Variants in TEAD2 observed in about 807,000 individuals in gnomAD.
TEAD2 encodes the protein transcriptional enhancer factor TEF-4.
A neutral mutation model predicts 61.4 loss-of-function variants in TEAD2; 51 were observed. That is an observed-to-expected ratio of 0.83 (90% CI 0.66 to 1.05). The LOEUF is 1.05. TEAD2 is among the 50% of genes least tolerant of loss of function. The pLI is 0.00. For missense variants in TEAD2, 509 were observed against 600.0 expected (o/e 0.85, Z 1.58); for synonymous variants, 244 against 243.2 (o/e 1.00, Z -0.03).
At position 49,359,477 on chromosome 19, in the gene TEAD2, G is replaced by A. The variant is rs1195350942; in HGVS notation, c.255C>T (p.Arg85=). Residue 85 remains arginine, a synonymous_variant, in exon 3 of 13, where the codon CGC becomes CGT. Coordinates refer to ENST00000593945, the MANE Select transcript of TEAD2 (RefSeq NM_001256660.2). The surrounding 1 kb of genome is among the most constrained non-coding windows in gnomAD (Gnocchi z 4.1). ...TCTTCCCCGTTCTCAGCTTGATGTA[G>A]CGGGCGATCAGTTCATTCCGACCTG... The part of the protein sequence containing the change: ...KMYGRNELIA[R]YIKLRTGKTR... 1.2e-6 allele frequency: 2 copies of A among 1,613,954 alleles called. No individual in the cohort carries two copies.
chr19:49,356,908 G>T (rs1972438673), intron 4 of TEAD2, among the ~76,000 whole-genome samples: 1 of 151,886 alleles, frequency 6.6e-6, no homozygotes, highest in Non-Finnish European at 1.5e-5. Context: ...GACCACAGAG[G>T]TCCCTCACCT....
rs1398554258 is a variant in TEAD2, at chr19:49,347,219, G to C, written c.892C>G (p.Pro298Ala). The C allele has an allele frequency of 1.2e-6, 2 of 1,614,064 alleles. No individual in the cohort carries two copies. The highest frequency in any genetic ancestry group is 1.3e-5 in the African/African-American group (1 of 75,022). ...GLRELYDRGP[P>A]HAFFLVKFWA... ...AACTTGACCAGGAAGAAGGCATGGG[G>C]GGGGCCACGATCATATAGCTCTCGG... Residue 298 changes from proline (P) to alanine (A), a missense_variant, in exon 10 of 13, where the codon CCC becomes GCC. Physicochemically the swap from Pro to Ala is conservative, Grantham distance 27. Coordinates refer to ENST00000593945, the MANE Select transcript of TEAD2 (RefSeq NM_001256660.2).
At position 49,355,340 on chromosome 19, in the gene TEAD2, T is replaced by C. The variant is rs1475356406; in HGVS notation, c.452A>G (p.Gln151Arg). The change falls in exon 6 of 13, where the codon CAG (glutamine) becomes CGG (arginine). Residue 151 changes from glutamine to arginine, a missense_variant. Gln to Arg is a conservative substitution (Grantham distance 43). Transcript: ENST00000593945. ...AGGACCAGTGGGACCCAGTTTGGCC[T>C]GCAGAGAAGGCGCGGAGATGAGCTG... is the stretch of plus-strand genomic sequence containing the variant. ...SAQLISAPSL[Q>R]AKLGPTGPQA... 1 of 1,614,062 alleles carries C rather than the reference T, an allele frequency of 6.2e-7. No individual in the cohort carries two copies. The highest frequency in any genetic ancestry group is 2.2e-5 in the East Asian group (1 of 44,886).
Position 49,340,826 on chromosome 19 carries a change from C to T in TEAD2, c.*498G>A, listed in dbSNP as rs1348723353. The T allele has an allele frequency of 3.4e-5, 7 of 208,088 alleles. No individual in the cohort carries two copies. Among genetic ancestry groups the T allele is most frequent in the Non-Finnish European group, 6.8e-5 (7 of 102,770 alleles). The allele number at this position is 208,088 out of a possible 1,614,324, so 12.9% of individuals were successfully genotyped here. A position where few individuals can be genotyped will look rare whatever the true frequency, so the allele number is the denominator to read the frequency against. On this transcript the variant is annotated 3_prime_UTR_variant, in exon 13 of 13. Transcript: ENST00000593945. Reference sequence around the variant, plus strand: ...GGGCCCACCTGGCTCTGCTCCTGCACAGAAAGGGTTCATCTTCACTTTGTG... The same window carrying T: ...GGGCCCACCTGGCTCTGCTCCTGCATAGAAAGGGTTCATCTTCACTTTGTG...
chr19:49,342,333 G>T, intron 12 of TEAD2, 105 bp downstream of exon 12: 1 of 1,445,422 alleles, frequency 6.9e-7, no homozygotes, highest in East Asian at 2.3e-5. Context: ...TGGAGTCCCT[G>T]CTGTGTCAGT....
At chr19:49,361,414 G>C (rs972872894) in intron 1 of TEAD2, 1 of 153,494 alleles carries the variant, frequency 6.5e-6, no homozygotes, top group African/African-American at 2.4e-5. Flanking sequence ...GGCAGGGACA[G>C]AGACTCAGGG....
chr19:49,350,979 G>C (rs1971982388), intron 8 of TEAD2, among the ~76,000 whole-genome samples: 2 of 152,024 alleles, frequency 1.3e-5, no homozygotes, highest in South Asian at 4.1e-4. Flanking sequence ...AAAAGATCGA[G>C]ACCATCCTGG....
At chr19:49,353,784 CTT>C (rs5828391) in intron 7 of TEAD2, among the ~76,000 whole-genome samples, 23 of 142,108 alleles carry the variant, frequency 1.6e-4, no homozygotes, top group Admixed American at 2.1e-4. Context: ...TCACTGCACT[CTT>C]TTTTTTTTTT....
In TEAD2 at chr19:49,359,348, T is replaced by G; in HGVS notation, c.297+87A>C. On this transcript the variant is annotated intron_variant, in intron 3 of 12. Coordinates refer to ENST00000593945, the MANE Select transcript of TEAD2 (RefSeq NM_001256660.2). The surrounding 1 kb of genome is among the most constrained non-coding windows in gnomAD (Gnocchi z 4.1). ...AGATGAACGCACAGGAAGCAGCTTC[T>G]TCCTTGAACCTGAACCTGCCCATGC... The G allele has an allele frequency of 8.0e-7, 1 of 1,248,076 alleles. No homozygotes were observed. Among genetic ancestry groups the G allele is most frequent in the Non-Finnish European group, 1.2e-6 (1 of 854,858 alleles). 77.3% of individuals were successfully genotyped at this position (1,248,076 alleles called of 1,614,324 possible). A position where few individuals can be genotyped will look rare whatever the true frequency, so the allele number is the denominator to read the frequency against.
At chr19:49,351,476 T>TG in intron 7 of TEAD2, 111 bp from the exon 8 acceptor site, 1 of 1,006,548 alleles carries the variant, frequency 9.9e-7, no homozygotes, top group Non-Finnish European at 1.5e-6. Context: ...TTGTGCACAA[T>TG]CTCACTGAAG....
chr19:49,344,888 T>G (rs1971534034), intron 10 of TEAD2, among the ~76,000 whole-genome samples: 1 of 152,166 alleles, frequency 6.6e-6, no homozygotes, highest in African/African-American at 2.4e-5. Context: ...AAGTGGGGCC[T>G]AAGGAAGCCT....
chr19:49,351,264 G>T, intron 8 of TEAD2, 37 bp downstream of exon 8: 1 of 1,590,036 alleles, frequency 6.3e-7, no homozygotes, highest in Non-Finnish European at 8.6e-7. Flanking sequence ...CGAAGAGAGA[G>T]AGGGGAGACA....
chr19:49,360,439 G>T, intron 1 of TEAD2: 1 of 310,600 alleles, frequency 3.2e-6, no homozygotes, highest in South Asian at 7.6e-5. Flanking sequence ...GGAGGAGAAG[G>T]AGCTGGATTT....
intron 11 of TEAD2, among the ~76,000 whole-genome samples, 175 bp downstream of exon 11, chr19:49,343,056 G>A (rs1433987657): frequency 6.6e-6 from 1 of 152,000 alleles, no homozygotes; most frequent in African/African-American, 2.4e-5. Flanking sequence ...CCCGCAGAAT[G>A]ATCCCTGCCT....
rs1972687158 is a variant in TEAD2, at chr19:49,359,717, G to A, written c.232+127C>T. 3.6e-6 allele frequency: 4 copies of A among 1,104,068 alleles called. No homozygotes were observed. Among genetic ancestry groups the A allele is most frequent in the African/African-American group, 3.1e-5 (2 of 64,940 alleles). 68.4% of individuals were successfully genotyped at this position (1,104,068 alleles called of 1,614,324 possible). A position where few individuals can be genotyped will look rare whatever the true frequency, so the allele number is the denominator to read the frequency against. The stretch of plus-strand genomic sequence containing the variant: ...GACCATAAGCAAATCACTTAACCTA[G>A]CTGTGCCTCAGTTTCCTCATCTGTG... On this transcript the variant is annotated intron_variant, in intron 2 of 12. Coordinates refer to ENST00000593945, the MANE Select transcript of TEAD2 (RefSeq NM_001256660.2). The surrounding 1 kb of genome is among the most constrained non-coding windows in gnomAD (Gnocchi z 4.1).
At position 49,355,357 on chromosome 19, in the gene TEAD2, G is replaced by A; in HGVS notation, c.435C>T (p.Ile145=). ...TMATMSSAQL[I]SAPSLQAKLG... is the part of the protein sequence containing the mutation. ...GTTTGGCCTGCAGAGAAGGCGCGGA[G>A]ATGAGCTGGGCAGAGGACATGGTTG... Residue 145 remains isoleucine, a synonymous_variant, in exon 6 of 13, where the codon ATC becomes ATT. Coordinates refer to ENST00000593945, the MANE Select transcript of TEAD2 (RefSeq NM_001256660.2). 4 of 1,614,238 alleles carry A rather than the reference G, an allele frequency of 2.5e-6. No individual in the cohort carries two copies. The highest frequency in any genetic ancestry group is 3.4e-6 in the Non-Finnish European group (4 of 1,180,054).
intron 8 of TEAD2, 110 bp downstream of exon 8, chr19:49,351,191 A>G: frequency 8.6e-7 from 1 of 1,160,572 alleles, no homozygotes; most frequent in South Asian, 1.5e-5. Flanking sequence ...ACAAAACAAA[A>G]TAAAACAAAA....
chr19:49,355,033 A>T, intron 7 of TEAD2, 115 bp downstream of exon 7: 1 of 695,798 alleles, frequency 1.4e-6, no homozygotes, highest in Non-Finnish European at 2.6e-6. Context: ...ATACATACAT[A>T]CATACATACA....
chr19:49,342,631 A>G (rs533345840), intron 11 of TEAD2, 41 bp from the exon 12 acceptor site: 1 of 1,598,238 alleles, frequency 6.3e-7, no homozygotes, highest in East Asian at 2.2e-5. Flanking sequence ...GGTGGCTGAG[A>G]GACCCACGGG....
Sources: allele counts gnomAD v4.1 joint callset (sites outside exome capture counted in the v4.1 genomes callset), GRCh38; gene constraint gnomAD v4.1.1; non-coding constraint Gnocchi (gnomAD v3.1); transcripts MANE v1.5; gene names NCBI Gene and HGNC (gene_info 2026-07-23, HGNC 2026-07-21).